The following ZFHX2 variants were observed in gnomAD, a reference collection of about 807,000 sequenced individuals.
ZFHX2 encodes the protein zinc finger homeobox protein 2.
Under a neutral mutation model 164.8 loss-of-function variants are expected in ZFHX2, and 75 were observed. That is an observed-to-expected ratio of 0.46 (90% CI 0.38 to 0.55). ZFHX2 has a LOEUF of 0.55. Ranked by LOEUF, ZFHX2 falls within the 20% of genes least tolerant of loss-of-function variation. ZFHX2 has a pLI of 0.00. For missense variants in ZFHX2, 2,933 were observed against 3,308.0 expected (o/e 0.89, Z 2.78); for synonymous variants, 1,217 against 1,351.4 (o/e 0.90, Z 2.18).
At chr14:23,531,230 C>G (rs1879507607) in intron 4 of ZFHX2, 1 of 404,786 alleles carries the variant, frequency 2.5e-6, no homozygotes, top group East Asian at 4.1e-5. Flanking sequence ...GGTTCCTCTT[C>G]ACCCTCTTCC....
chr14:23,528,633 C>G (rs750144684), intron 6 of ZFHX2: 31 of 985,336 alleles, frequency 3.1e-5, no homozygotes, highest in Non-Finnish European at 3.7e-5. Flanking sequence ...CCCTACCTGT[C>G]TGCTCAGAAG....
upstream of ZFHX2, among the ~76,000 whole-genome samples, chr14:23,554,743 AT>A (rs1566600373): frequency 1.3e-5 from 2 of 152,036 alleles, no homozygotes; most frequent in African/African-American, 4.8e-5. Context: ...CTCACTGGTC[AT>A]GTATTTCCAG....
chr14:23,535,427 G>T lies in ZFHX2; in HGVS notation c.-49-53C>A. On this transcript the variant is annotated intron_variant, in intron 1 of 9. Transcript: ENST00000419474. This position sits in a 1 kb window ranked among gnomAD's most constrained non-coding sequence, Gnocchi z 4.5. Reference sequence around the variant, plus strand: ...CTGTGAGGCTGCAGGGACCCCAGCTGGGCAGCTGGATCTCTGGATACTCCT... The same window carrying T: ...CTGTGAGGCTGCAGGGACCCCAGCTTGGCAGCTGGATCTCTGGATACTCCT... The T allele has an allele frequency of 7.3e-7, 1 of 1,371,086 alleles. No individual in the cohort carries two copies. Among genetic ancestry groups the T allele is most frequent in the Non-Finnish European group, 9.5e-7 (1 of 1,056,770 alleles). 84.9% of individuals were successfully genotyped at this position (1,371,086 alleles called of 1,614,324 possible).
Position 23,525,832 on chromosome 14 carries a change from G to T in ZFHX2, c.4110C>A (p.His1370Gln), listed in dbSNP as rs555668616. Reference protein sequence around the residue: ...QQQLLLPFYLHDLKVGPKLTL... With the variant: ...QQQLLLPFYLQDLKVGPKLTL... The stretch of plus-strand genomic sequence containing the variant: ...TCAGCTTGGGCCCCACCTTGAGATC[G>T]TGGAGGTAGAAGGGCAGGAGCAGCT... Residue 1370 changes from histidine to glutamine, a missense_variant, in exon 9 of 10, where the codon CAC becomes CAA. Coordinates refer to ENST00000419474, the MANE Select transcript of ZFHX2 (RefSeq NM_033400.3). This position sits in a 1 kb window ranked among gnomAD's most constrained non-coding sequence, Gnocchi z 5.9. The T allele has an allele frequency of 6.9e-7, 1 of 1,457,808 alleles. No individual in the cohort carries two copies. The highest frequency in any genetic ancestry group is 2.5e-5 in the East Asian group (1 of 40,318). The allele number at this position is 1,457,808 out of a possible 1,614,324, so 90.3% of individuals were successfully genotyped here.
Position 23,523,565 on chromosome 14 carries a change from T to G in ZFHX2, c.6377A>C (p.Gln2126Pro). The change falls in exon 9 of 10, where the codon CAG becomes CCG. Residue 2126 changes from glutamine (Q) to proline (P), a missense_variant. Gln to Pro is a moderately conservative substitution (Grantham distance 76). Coordinates refer to ENST00000419474, the MANE Select transcript of ZFHX2 (RefSeq NM_033400.3). The surrounding 1 kb of genome is among the most constrained non-coding windows in gnomAD (Gnocchi z 4.1). ...ARAKEKKAKL[Q>P]GTAAGSTGGS... ...CCCAGTGCTCCCAGCGGCTGTCCCC[T>G]GTAGTTTGGCCTTCTTTTCCTTGGC... 1.3e-6 allele frequency: 2 copies of G among 1,539,856 alleles called. No individual in the cohort carries two copies. The highest frequency in any genetic ancestry group is 1.2e-5 in the South Asian group (1 of 84,358).
In ZFHX2 at chr14:23,524,999, T is replaced by C. The variant is rs1315423799; in HGVS notation, c.4943A>G (p.Gln1648Arg). 1.2e-5 allele frequency: 18 copies of C among 1,536,224 alleles called. No homozygotes were observed. The highest frequency in any genetic ancestry group is 1.5e-5 in the Non-Finnish European group (17 of 1,146,920). Residue 1648 changes from glutamine (Q) to arginine (R), a missense_variant, in exon 9 of 10, where the codon CAG becomes CGG. By Grantham distance (43) the Gln-to-Arg change is conservative. Transcript: ENST00000419474. The surrounding 1 kb of genome is among the most constrained non-coding windows in gnomAD (Gnocchi z 5.6). ...CTCACAGGCATTTTTGCGTGCTTTC[T>C]GGCGGGCATTCTGGAACCACACCAC... is the stretch of plus-strand genomic sequence containing the variant. ...VVVVWFQNAR[Q>R]KARKNACEGG...
intron 6 of ZFHX2, 169 bp downstream of exon 6, chr14:23,529,541 C>T: frequency 1.5e-6 from 1 of 682,274 alleles, no homozygotes; most frequent in Non-Finnish European, 2.5e-6. Context: ...AGCTCTGCCC[C>T]CGAAAGTGCT....
rs904293923 is a variant in ZFHX2 at position 23,532,727 on chromosome 14, C to A, written c.2399G>T (p.Gly800Val). Reference sequence around the variant, plus strand: ...TCCCAGGGATGCTGGGGAAGGGGTGCCCATGGCTCCACCCCCCTCCCGCAG... The same window carrying A: ...TCCCAGGGATGCTGGGGAAGGGGTGACCATGGCTCCACCCCCCTCCCGCAG... ...AHLREGGGAM[G>V]TPSPASLGDG... Residue 800 changes from glycine (G) to valine (V), a missense_variant, in exon 3 of 10, where the codon GGC becomes GTC. Coordinates refer to ENST00000419474, the MANE Select transcript of ZFHX2 (RefSeq NM_033400.3). 2 of 1,535,484 alleles carry A rather than the reference C, an allele frequency of 1.3e-6. No individual in the cohort carries two copies. The highest frequency in any genetic ancestry group is 1.2e-5 in the South Asian group (1 of 83,934).
Position 23,522,017 on chromosome 14 carries a change from G to A in ZFHX2, c.7664C>T (p.Pro2555Leu), listed in dbSNP as rs1878058919. The change falls in exon 10 of 10, where the codon CCT becomes CTT. Residue 2555 changes from proline to leucine, a missense_variant. Pro to Leu is a moderately conservative substitution (Grantham distance 98, BLOSUM62 -3). Transcript: ENST00000419474. ...VAFAKEEARL[P>L]HTDSNPKTTT... ...AGTTTTTGGGTTGGAGTCCGTGTGA[G>A]GTAATCTTGCTTCCTCTTTGGCAAA... is the stretch of plus-strand genomic sequence containing the variant. 6.5e-7 allele frequency: 1 copy of A among 1,536,416 alleles called. No homozygotes were observed. The highest frequency in any genetic ancestry group is 1.2e-5 in the South Asian group (1 of 84,060).
At chr14:23,532,423 G>A in intron 3 of ZFHX2, 144 bp downstream of exon 3, 3 of 1,005,516 alleles carry the variant, frequency 3.0e-6, no homozygotes, top group South Asian at 2.3e-5. Context: ...TGTTACCCTG[G>A]TACATATGTC....
At chr14:23,528,053 G>A (rs761977632) in intron 6 of ZFHX2, among the ~76,000 whole-genome samples, 24 of 152,010 alleles carry the variant, frequency 1.6e-4, no homozygotes, top group Non-Finnish European at 2.2e-4. Context: ...GATTACAGGC[G>A]TGTGCAACCA....
chr14:23,539,956 T>C (rs59668604), intron 1 of ZFHX2, among the ~76,000 whole-genome samples: 2,658 of 152,356 alleles, frequency 0.017, 76 homozygotes, highest in African/African-American at 0.061. Context: ...CAAGTTTGCA[T>C]ACAATGATTT....
Position 23,534,862 on chromosome 14 carries a change from A to C in ZFHX2, c.464T>G (p.Leu155Arg), listed in dbSNP as rs1879978419. ...GGGGGGTGGGTAGGCAAGGAAGGGCAGACTGGGCTCTTCCTTGATGCCCGC... is the reference window on the plus strand; with the variant it reads ...GGGGGGTGGGTAGGCAAGGAAGGGCCGACTGGGCTCTTCCTTGATGCCCGC... ...GEAGIKEEPS[L>R]PFLAYPPPSH... The change falls in exon 2 of 10, where the codon CTG (leucine) becomes CGG (arginine). Residue 155 changes from leucine to arginine, a missense_variant. Physicochemically the swap from Leu to Arg is moderately radical, Grantham distance 102. Coordinates refer to ENST00000419474, the MANE Select transcript of ZFHX2 (RefSeq NM_033400.3). This position sits in a 1 kb window ranked among gnomAD's most constrained non-coding sequence, Gnocchi z 4.5. 6.5e-6 allele frequency: 10 copies of C among 1,536,152 alleles called. No individual in the cohort carries two copies. Among genetic ancestry groups the C allele is most frequent in the Non-Finnish European group, 8.7e-6 (10 of 1,146,886 alleles).
rs1173787907 is a variant in ZFHX2 at position 23,546,665 on chromosome 14, A to G, written c.-50+4678T>C. 2.6e-5 allele frequency among the ~76,000 whole-genome samples: 4 copies of G among 152,150 alleles called. No homozygotes were observed. Among genetic ancestry groups the G allele is most frequent in the South Asian group, 2.1e-4 (1 of 4,822 alleles). ...CCCTAGGACTTTCCCCAGAGAGGCA[A>G]GGGGCTCTGGGAAAGTGGGTGGTGG... On this transcript the variant is annotated intron_variant, in intron 1 of 9. Coordinates refer to ENST00000419474, the MANE Select transcript of ZFHX2 (RefSeq NM_033400.3). This position sits in a 1 kb window ranked among gnomAD's most constrained non-coding sequence, Gnocchi z 4.7.
At chr14:23,527,029 A>T in intron 7 of ZFHX2, 56 bp from the exon 8 acceptor site, 1 of 1,448,002 alleles carries the variant, frequency 6.9e-7, no homozygotes, top group Non-Finnish European at 9.0e-7. Context: ...CCCCTATGCC[A>T]CTCCTGACCC....
In ZFHX2 at chr14:23,535,693, A is replaced by G. The variant is rs929394127; in HGVS notation, c.-49-319T>C. ...CCGCAACCTCCACCTCCTGGGTTCA[A>G]GTGATTCTCCTGCCTCAGCCTCCTG... On this transcript the variant is annotated intron_variant, in intron 1 of 9. Coordinates refer to ENST00000419474, the MANE Select transcript of ZFHX2 (RefSeq NM_033400.3). The surrounding 1 kb of genome is among the most constrained non-coding windows in gnomAD (Gnocchi z 4.5). Among the ~76,000 whole-genome samples, 26 of 152,104 alleles carry G rather than the reference A, an allele frequency of 1.7e-4. No homozygotes were observed. Among genetic ancestry groups the G allele is most frequent in the African/African-American group, 6.3e-4 (26 of 41,482 alleles).
chr14:23,535,223 C>CAG lies in ZFHX2; in HGVS notation c.101_102dup (p.Asp35LeufsTer18), dbSNP rs1880011144. The CAG allele has an allele frequency of 6.6e-7, 1 of 1,525,230 alleles. No individual in the cohort carries two copies. The highest frequency in any genetic ancestry group is 8.8e-7 in the Non-Finnish European group (1 of 1,138,320). 94.5% of individuals were successfully genotyped at this position (1,525,230 alleles called of 1,614,324 possible). ...GCAGGGGGATCTTTGGTGACAGGATCAGAGGGGGTGCTGGAGGAGAAGGTG... is the reference window on the plus strand; with the variant it reads ...GCAGGGGGATCTTTGGTGACAGGATCAGAGAGGGGGTGCTGGAGGAGAAGGTG... On this transcript the variant is annotated frameshift_variant, in exon 2 of 10. Transcript: ENST00000419474. LOFTEE classifies it high-confidence loss of function. The surrounding 1 kb of genome is among the most constrained non-coding windows in gnomAD (Gnocchi z 4.5).
Position 23,532,738 on chromosome 14 carries a change from A to T in ZFHX2, c.2388T>A (p.Gly796=). 3.3e-6 allele frequency: 5 copies of T among 1,535,420 alleles called. No individual in the cohort carries two copies. Among genetic ancestry groups the T allele is most frequent in the Non-Finnish European group, 3.5e-6 (4 of 1,146,676 alleles). Residue 796 remains glycine, a synonymous_variant, in exon 3 of 10, where the codon GGT becomes GGA. Transcript: ENST00000419474. The part of the protein sequence containing the change: ...YQLAAHLREG[G]GAMGTPSPAS... ...CTGGGGAAGGGGTGCCCATGGCTCCACCCCCCTCCCGCAGGTGGGCTGCCA... is the reference window on the plus strand; with the variant it reads ...CTGGGGAAGGGGTGCCCATGGCTCCTCCCCCCTCCCGCAGGTGGGCTGCCA...
chr14:23,522,597 A>T lies in ZFHX2; in HGVS notation c.7084T>A (p.Phe2362Ile), dbSNP rs567522348. The change falls in exon 10 of 10, where the codon TTT (phenylalanine) becomes ATT (isoleucine). Residue 2362 changes from phenylalanine to isoleucine, a missense_variant. By Grantham distance (21) the Phe-to-Ile change is conservative. Transcript: ENST00000419474. ...PAGGTAPPAV[F>I]GPQLQGAYFQ... The stretch of plus-strand genomic sequence containing the variant: ...TAGGCCCCCTGTAGCTGGGGGCCAA[A>T]GACAGCTGGCGGTGCTGTTCCCCCA... 67 of 1,529,552 alleles carry T rather than the reference A, an allele frequency of 4.4e-5. 2 individuals carry two copies. The Admixed American group carries it at 9.8e-4, about 22-fold the overall frequency. 94.7% of individuals were successfully genotyped at this position (1,529,552 alleles called of 1,614,324 possible). A position where few individuals can be genotyped will look rare whatever the true frequency, so the allele number is the denominator to read the frequency against.
Sources: allele counts gnomAD v4.1 joint callset (sites outside exome capture counted in the v4.1 genomes callset), GRCh38; gene constraint gnomAD v4.1.1; non-coding constraint Gnocchi (gnomAD v3.1); transcripts MANE v1.5; gene names NCBI Gene and HGNC (gene_info 2026-07-23, HGNC 2026-07-21).